DTNBP1: variants seen among roughly 807,000 people sequenced by gnomAD.
DTNBP1 encodes the protein dysbindin.
In DTNBP1, 35 loss-of-function variants were observed where a neutral mutation model predicts 42.8. That is an observed-to-expected ratio of 0.82 (90% CI 0.63 to 1.09). The LOEUF (loss-of-function observed/expected upper bound fraction) is 1.09, where lower values mean the gene tolerates loss of function less well. Among genes scored for constraint, DTNBP1 ranks in the 50% least tolerant of loss-of-function variants. The probability of loss-of-function intolerance (pLI) is 0.00; values close to 1 mark genes in which losing one functional copy is unlikely to be tolerated. For synonymous variants in DTNBP1, 171 were observed against 162.2 expected, an observed-to-expected ratio of 1.05 and a Z score of -0.41; for missense variants, 457 against 424.2, an observed-to-expected ratio of 1.08 and a Z score of -0.68.
chr6:15,598,204 T>C (rs950502521), intron 6 of DTNBP1, among the ~76,000 whole-genome samples: 2 of 152,210 alleles, frequency 1.3e-5, no homozygotes, highest in Admixed American at 6.5e-5. Context: ...AATAAGCCTA[T>C]GGAATGTTAC....
intron 1 of DTNBP1, among the ~76,000 whole-genome samples, chr6:15,654,863 G>A (rs938845275): frequency 2.6e-5 from 4 of 152,150 alleles, no homozygotes; most frequent in Admixed American, 6.5e-5. Context: ...TCTGATTATG[G>A]ACTGCATAAT....
chr6:15,608,345 A>AT (rs1758194271), intron 6 of DTNBP1, among the ~76,000 whole-genome samples: 1 of 151,984 alleles, frequency 6.6e-6, no homozygotes, highest in Non-Finnish European at 1.5e-5. Context: ...CAAGTTATAA[A>AT]TAAATAAATA....
chr6:15,531,021 C>T (rs1309725215), intron 8 of DTNBP1, among the ~76,000 whole-genome samples: 1 of 152,106 alleles, frequency 6.6e-6, no homozygotes, highest in Non-Finnish European at 1.5e-5. Context: ...ATGGACATGG[C>T]CCCTGTGGTT....
At chr6:15,626,128 G>A (rs1253218052) in intron 5 of DTNBP1, among the ~76,000 whole-genome samples, 4 of 152,124 alleles carry the variant, frequency 2.6e-5, no homozygotes, top group Non-Finnish European at 4.4e-5. Flanking sequence ...TGATATTGAG[G>A]ATATCATCAA....
At chr6:15,581,898 G>A (rs1775857903) in intron 7 of DTNBP1, among the ~76,000 whole-genome samples, 1 of 152,144 alleles carries the variant, frequency 6.6e-6, no homozygotes, top group Non-Finnish European at 1.5e-5. Context: ...GGAGCTAGAG[G>A]CCTTACTAGT....
chr6:15,625,670 T>G lies in DTNBP1; in HGVS notation c.355+1673A>C, dbSNP rs140882166. On this transcript the variant is annotated intron_variant, in intron 5 of 9. Transcript: ENST00000344537. The stretch of plus-strand genomic sequence containing the variant: ...ATAATGAGAACTGTGGCAGAATGCA[T>G]TTAATCAATAGAGTGGTATTAAGCA... Among the ~76,000 whole-genome samples, 591 of 152,330 alleles carry G rather than the reference T, an allele frequency of 3.9e-3. 2 individuals carry two copies. Among genetic ancestry groups the G allele is most frequent in the African/African-American group, 0.013 (542 of 41,570 alleles).
At chr6:15,533,665 C>T (rs1300157642) in intron 7 of DTNBP1, 3 of 589,372 alleles carry the variant, frequency 5.1e-6, no homozygotes, top group South Asian at 1.5e-5. Context: ...CCACCCGCAT[C>T]GCCCATTCAT....
intron 7 of DTNBP1, among the ~76,000 whole-genome samples, chr6:15,550,414 A>G (rs1403352097): frequency 1.3e-5 from 2 of 152,212 alleles, no homozygotes; most frequent in African/African-American, 2.4e-5. Flanking sequence ...CAACATTTAC[A>G]TATATTTCAA....
At chr6:15,542,369 GTTTT>G (rs1386506424) in intron 7 of DTNBP1, among the ~76,000 whole-genome samples, 1 of 151,262 alleles carries the variant, frequency 6.6e-6, no homozygotes, top group Non-Finnish European at 1.5e-5. Flanking sequence ...GATTTGTTTT[GTTTT>G]TTGTTTTTTG....
chr6:15,545,081 T>C (rs968956798), intron 7 of DTNBP1, among the ~76,000 whole-genome samples: 9 of 152,164 alleles, frequency 5.9e-5, no homozygotes, highest in Non-Finnish European at 1.2e-4. Flanking sequence ...TACCTCAGTT[T>C]TCAAATAAGG....
intron 7 of DTNBP1, among the ~76,000 whole-genome samples, chr6:15,584,254 G>A (rs1775961144): frequency 6.6e-6 from 1 of 152,082 alleles, no homozygotes; most frequent in Non-Finnish European, 1.5e-5. Flanking sequence ...CAATTTCTTA[G>A]ATGAATGATC....
intron 4 of DTNBP1, among the ~76,000 whole-genome samples, chr6:15,633,050 T>C (rs1759784099): frequency 6.6e-6 from 1 of 152,232 alleles, no homozygotes; most frequent in Non-Finnish European, 1.5e-5. Flanking sequence ...TAGAACATCA[T>C]AATTGTTAGA....
At chr6:15,659,871 T>G (rs1308311469) in intron 1 of DTNBP1, among the ~76,000 whole-genome samples, 1 of 152,138 alleles carries the variant, frequency 6.6e-6, no homozygotes, top group Non-Finnish European at 1.5e-5. Flanking sequence ...GGTTTCTTTG[T>G]GTTGCCCAGT....
chr6:15,536,623 C>T (rs1228741372), intron 7 of DTNBP1, among the ~76,000 whole-genome samples: 1 of 152,264 alleles, frequency 6.6e-6, no homozygotes, highest in Non-Finnish European at 1.5e-5. Context: ...CAAAAGTCTG[C>T]TGCAGGGACA....
intron 6 of DTNBP1, among the ~76,000 whole-genome samples, chr6:15,594,464 C>CA (rs11417449): frequency 0.039 from 2,861 of 73,684 alleles, 30 homozygotes; most frequent in Admixed American, 0.07. Flanking sequence ...GACTCTGTCT[C>CA]AAAAAAAAAA....
At chr6:15,619,559 T>C (rs1758920697) in intron 5 of DTNBP1, among the ~76,000 whole-genome samples, 1 of 152,062 alleles carries the variant, frequency 6.6e-6, no homozygotes, top group African/African-American at 2.4e-5. Context: ...CAAAAAATGT[T>C]TGAGAAACTG....
intron 7 of DTNBP1, among the ~76,000 whole-genome samples, chr6:15,559,772 G>GA (rs1774736965): frequency 6.6e-6 from 1 of 152,162 alleles, no homozygotes; most frequent in Admixed American, 6.5e-5. Flanking sequence ...AAAGTTGAAT[G>GA]AATTGGGCTA....
intron 7 of DTNBP1, among the ~76,000 whole-genome samples, chr6:15,576,769 T>TAAAAAA (rs34473285): frequency 1.0e-5 from 1 of 99,104 alleles, no homozygotes; most frequent in African/African-American, 3.8e-5. Flanking sequence ...ACTCTGTCTC[T>TAAAAAA]AAAAAAAAAA....
At chr6:15,542,135 ATT>A (rs1298670696) in intron 7 of DTNBP1, among the ~76,000 whole-genome samples, 2 of 152,196 alleles carry the variant, frequency 1.3e-5, no homozygotes, top group African/African-American at 2.4e-5. Context: ...GTGTTTTTAT[ATT>A]GAGTTAGGAA....
Sources: allele counts gnomAD v4.1 joint callset (sites outside exome capture counted in the v4.1 genomes callset), GRCh38; gene constraint gnomAD v4.1.1; transcripts MANE v1.5; gene names NCBI Gene and HGNC (gene_info 2026-07-23, HGNC 2026-07-21).